The following PDE4D variants were observed in gnomAD, a reference collection of about 807,000 sequenced individuals.
PDE4D encodes 3',5'-cyclic-AMP phosphodiesterase 4D.
In PDE4D, 24 loss-of-function variants were observed where a neutral mutation model predicts 87.4. That is an observed-to-expected ratio of 0.27 (90% confidence interval 0.20 to 0.39). PDE4D has a LOEUF of 0.39. Ranked by LOEUF, PDE4D falls within the 10% of genes least tolerant of loss-of-function variation. The pLI is 1.00. For synonymous variants in PDE4D, 384 were observed against 383.2 expected, an observed-to-expected ratio of 1.00 and a Z score of -0.02; for missense variants, 714 against 1,041.0, an observed-to-expected ratio of 0.69 and a Z score of 4.32.
rs568788372 is a variant in PDE4D at position 59,515,053 on chromosome 5, T to C, written c.456-299085A>G. 3.2e-4 allele frequency among the ~76,000 whole-genome samples: 48 copies of C among 152,346 alleles called. No homozygotes were observed. In the South Asian group the frequency reaches 9.3e-3, roughly 30 times the overall value. On this transcript the variant is annotated intron_variant, in intron 1 of 14. Transcript: ENST00000340635. ...ATGAAAGGCTTTAAACATGAGATGTTCTAATAATTCACAATGTTAAGAGAT... is the reference window on the plus strand; with the variant it reads ...ATGAAAGGCTTTAAACATGAGATGTCCTAATAATTCACAATGTTAAGAGAT...
chr5:60,379,978 T>C (rs1038762390), intron 1 of PDE4D, among the ~76,000 whole-genome samples: 1 of 152,188 alleles, frequency 6.6e-6, no homozygotes, highest in Non-Finnish European at 1.5e-5. Flanking sequence ...AATGAAATGG[T>C]AACTATCTTC....
intron 1 of PDE4D, among the ~76,000 whole-genome samples, chr5:59,892,270 T>C (rs545157688): frequency 1.3e-5 from 2 of 152,304 alleles, no homozygotes; most frequent in East Asian, 3.9e-4. Flanking sequence ...AGCGGTCAAC[T>C]TCTACTAAAA....
intron 3 of PDE4D, among the ~76,000 whole-genome samples, chr5:59,945,687 T>C (rs1757661186): frequency 6.6e-6 from 1 of 152,212 alleles, no homozygotes; most frequent in South Asian, 2.1e-4. Flanking sequence ...TGATAAGACA[T>C]AAAAATAACC....
chr5:59,960,110 AATC>A (rs1309586144), intron 3 of PDE4D, among the ~76,000 whole-genome samples: 2 of 152,102 alleles, frequency 1.3e-5, no homozygotes, highest in African/African-American at 4.8e-5. Context: ...CAATATCACT[AATC>A]ATCAGAGAAA....
At chr5:60,170,396 A>C (rs1277552660) in intron 2 of PDE4D, among the ~76,000 whole-genome samples, 1 of 152,018 alleles carries the variant, frequency 6.6e-6, no homozygotes, top group African/African-American at 2.4e-5. Context: ...CAAACTAAAA[A>C]AGAAGGAAAA....
chr5:60,416,773 CTG>C (rs1742627005), intron 1 of PDE4D, among the ~76,000 whole-genome samples: 1 of 152,234 alleles, frequency 6.6e-6, no homozygotes. Context: ...ATCCAAGACT[CTG>C]GGGCTTTAGA....
chr5:60,415,486 C>T (rs1045301027), intron 1 of PDE4D, among the ~76,000 whole-genome samples: 1 of 152,216 alleles, frequency 6.6e-6, no homozygotes, highest in African/African-American at 2.4e-5. Flanking sequence ...CGGGGCTGCG[C>T]GGCAGGCACT....
intron 1 of PDE4D, among the ~76,000 whole-genome samples, chr5:59,224,547 G>A (rs1292427270): frequency 6.6e-6 from 1 of 152,112 alleles, no homozygotes; most frequent in Non-Finnish European, 1.5e-5. Context: ...ACAATGATAT[G>A]ATAAAAGGCC....
chr5:59,595,198 T>C (rs1010149034), intron 1 of PDE4D, among the ~76,000 whole-genome samples: 2 of 152,216 alleles, frequency 1.3e-5, no homozygotes, highest in Non-Finnish European at 2.9e-5. Flanking sequence ...GAAGCAAAGA[T>C]GTAATTTTAT....
At chr5:59,687,434 A>G (rs1750075665) in intron 1 of PDE4D, among the ~76,000 whole-genome samples, 1 of 152,184 alleles carries the variant, frequency 6.6e-6, no homozygotes, top group Non-Finnish European at 1.5e-5. Flanking sequence ...CAACATTCTT[A>G]AAGAATTTTC....
rs149861342 is a variant in PDE4D, at chr5:59,349,831, C to T, written c.456-133863G>A. ...TGCTGGTCCGTAGCCTGCAGGCCAC[C>T]TTATAAAACCAATACCTTTATATTT... On this transcript the variant is annotated intron_variant, in intron 1 of 14. Transcript: ENST00000340635. Among the ~76,000 whole-genome samples the T allele has an allele frequency of 8.0e-3, 1,210 of 152,120 alleles. 9 individuals are homozygous for T. The highest frequency in any genetic ancestry group is 0.025 in the South Asian group (121 of 4,818).
At chr5:59,030,687 C>T (rs7714489) in intron 6 of PDE4D, among the ~76,000 whole-genome samples, 15,844 of 152,096 alleles carry the variant, frequency 0.1, 1,297 homozygotes, top group East Asian at 0.47. Flanking sequence ...GACATGATCA[C>T]GCCACTGCAC....
chr5:59,417,909 T>C (rs757028892), intron 1 of PDE4D, among the ~76,000 whole-genome samples: 24 of 152,192 alleles, frequency 1.6e-4, no homozygotes, highest in Middle Eastern at 3.2e-3. Context: ...CCTAATTACC[T>C]GCACTTTTTG....
intron 1 of PDE4D, among the ~76,000 whole-genome samples, chr5:59,359,522 CT>C (rs1338842870): frequency 5.3e-5 from 8 of 151,976 alleles, no homozygotes; most frequent in African/African-American, 1.9e-4. Context: ...AAAATTAAGC[CT>C]TGATTTCAAA....
At chr5:59,554,942 G>A (rs754418880) in intron 1 of PDE4D, among the ~76,000 whole-genome samples, 2 of 152,166 alleles carry the variant, frequency 1.3e-5, no homozygotes, top group Non-Finnish European at 2.9e-5. Context: ...AAGCAGCTTG[G>A]TGACATCTGA....
chr5:59,915,343 T>C (rs1386189567), intron 3 of PDE4D, among the ~76,000 whole-genome samples: 1 of 152,104 alleles, frequency 6.6e-6, no homozygotes, highest in Non-Finnish European at 1.5e-5. Flanking sequence ...GGAAGAAGAA[T>C]AGAAATGGTC....
chr5:59,156,331 A>ATG (rs60467130), intron 5 of PDE4D, among the ~76,000 whole-genome samples: 2,822 of 122,682 alleles, frequency 0.023, 98 homozygotes, highest in Middle Eastern at 0.056. Flanking sequence ...ATATATATAT[A>ATG]TGTGTGTGTG....
At chr5:59,225,142 AG>A (rs1488421217) in intron 1 of PDE4D, among the ~76,000 whole-genome samples, 1 of 152,206 alleles carries the variant, frequency 6.6e-6, no homozygotes, top group Non-Finnish European at 1.5e-5. Context: ...TTACAGCTTC[AG>A]GTGTTATAAT....
intron 1 of PDE4D, among the ~76,000 whole-genome samples, chr5:59,228,552 C>T (rs1415353633): frequency 4.0e-5 from 6 of 151,680 alleles, no homozygotes; most frequent in African/African-American, 7.3e-5. Flanking sequence ...TTTAATAAGC[C>T]GACTTTGAAA....
Sources: gnomAD v4.1 joint callset for allele counts (sites outside exome capture counted in the v4.1 genomes callset) on GRCh38, gnomAD v4.1.1 for gene constraint, MANE v1.5 for transcripts, NCBI Gene and HGNC (gene_info 2026-07-23, HGNC 2026-07-21) for gene names.